ZNF846: variants seen among roughly 807,000 people sequenced by gnomAD.
ZNF846 encodes zinc finger protein 846, also known as zinc finger protein 420 pseudogene.
Under a neutral mutation model 16.0 loss-of-function variants are expected in ZNF846, and 15 were observed. The ratio of observed to expected loss-of-function variants is 0.94; its 90% CI spans 0.63 to 1.45. The LOEUF is 1.45. Among genes scored for constraint, ZNF846 ranks in the 40% most tolerant of loss-of-function variants. The probability of loss-of-function intolerance (pLI) is 0.00; values close to 1 mark genes in which losing one functional copy is unlikely to be tolerated. For missense variants in ZNF846, 714 were observed against 622.3 expected, an observed-to-expected ratio of 1.15 and a Z score of -1.57; for synonymous variants, 229 against 212.0, an observed-to-expected ratio of 1.08 and a Z score of -0.70.
chr19:9,783,540 A>T (rs1172562100), intron 1 of ZNF846, among the ~76,000 whole-genome samples: 6,513 of 118,012 alleles, frequency 0.055, 237 homozygotes, highest in Admixed American at 0.12. Context: ...AAAAAAAAAA[A>T]AAAAATATAT....
chr19:9,763,254 G>T, intron 3 of ZNF846, 28 bp downstream of exon 3: 1 of 1,532,390 alleles, frequency 6.5e-7, no homozygotes, highest in South Asian at 1.3e-5. Flanking sequence ...TCCTAAAGGG[G>T]TCAGTGAAGA....
At chr19:9,771,432 C>A (rs1376939123), upstream of ZNF846, among the ~76,000 whole-genome samples, 1 of 152,184 alleles carries the variant, frequency 6.6e-6, no homozygotes, top group African/African-American at 2.4e-5. Context: ...CCCACTTCGG[C>A]CTCCCAAAGT....
At chr19:9,757,529 A>T in exon 6 of ZNF846, 1 of 1,611,276 alleles carries the variant, frequency 6.2e-7, no homozygotes, top group Non-Finnish European at 8.5e-7. Context: ...CTGAAGATTG[A>T]GTGAAGTTTT....
In ZNF846 at chr19:9,763,274, A is replaced by T; in HGVS notation, c.142+8T>A. The T allele has an allele frequency of 1.3e-6, 2 of 1,563,438 alleles. No homozygotes were observed. Among genetic ancestry groups the T allele is most frequent in the South Asian group, 2.4e-5 (2 of 83,490 alleles). On this transcript the variant is annotated splice_region_variant and intron_variant, in intron 3 of 5. Transcript: ENST00000397902. ...AAGGGGTCAGTGAAGAAATGATGCC[A>T]GTTTTACCTAGTATAATGAGATTCT...
downstream of ZNF846, among the ~76,000 whole-genome samples, chr19:9,752,837 G>C (rs1439364633): frequency 1.3e-5 from 2 of 152,072 alleles, no homozygotes; most frequent in African/African-American, 2.4e-5. Context: ...TTTTGAATTT[G>C]AGTAGTTACT....
At chr19:9,781,510 CTT>C (rs2145320368) in intron 1 of ZNF846, among the ~76,000 whole-genome samples, 1 of 152,228 alleles carries the variant, frequency 6.6e-6, no homozygotes, top group African/African-American at 2.4e-5. Context: ...TGTCATAACG[CTT>C]TATCACTTGC....
At chr19:9,757,845 T>C in exon 6 of ZNF846, 1 of 1,613,004 alleles carries the variant, frequency 6.2e-7, no homozygotes, top group South Asian at 1.1e-5. Context: ...CCTTACATGT[T>C]GACTAAGCAT....
upstream of ZNF846, among the ~76,000 whole-genome samples, chr19:9,772,098 C>A (rs553777959): frequency 6.6e-6 from 1 of 152,064 alleles, no homozygotes; most frequent in Non-Finnish European, 1.5e-5. Flanking sequence ...ATGTCCCATT[C>A]ATTTAAAATA....
intron 1 of ZNF846, among the ~76,000 whole-genome samples, chr19:9,777,937 G>C (rs2045464023): frequency 6.6e-6 from 1 of 152,078 alleles, no homozygotes; most frequent in African/African-American, 2.4e-5. Context: ...AAACAATACA[G>C]AAAAAACCCA....
chr19:9,768,345 C>T lies in ZNF846; in HGVS notation c.-142G>A, dbSNP rs1468965092. On this transcript the variant is annotated 5_prime_UTR_variant, in exon 1 of 6. It adds an upstream start codon to the 5' untranslated region. Transcript: ENST00000397902. ...AAGAGGACGCTGGGGCCCTTTTCCA[C>T]AACAGCTGAGATGCTTTTCCTTCTG... 2.0e-5 allele frequency: 3 copies of T among 152,226 alleles called. No individual in the cohort carries two copies. Among genetic ancestry groups the T allele is most frequent in the African/African-American group, 4.8e-5 (2 of 41,458 alleles). 9.4% of individuals were successfully genotyped at this position (152,226 alleles called of 1,614,324 possible).
At chr19:9,750,915 A>G (rs752434940), downstream of ZNF846, among the ~76,000 whole-genome samples, 4 of 152,196 alleles carry the variant, frequency 2.6e-5, no homozygotes, top group Non-Finnish European at 4.4e-5. Flanking sequence ...AGGACTCTGC[A>G]TATTTCTTAA....
intron 1 of ZNF846, among the ~76,000 whole-genome samples, chr19:9,766,110 A>G (rs1191234459): frequency 6.6e-6 from 1 of 152,120 alleles, no homozygotes; most frequent in African/African-American, 2.4e-5. Context: ...GATTTGGTTC[A>G]TATCTTTGCT....
rs2045292795 is a variant in ZNF846 at position 9,765,041 on chromosome 19, GA to G, written c.-85-7del. ...AGTGTCCTGGAAAAAATGACCTTTGGAAAAGAATAATGGCATGTCAGTTGGA... is the reference window on the plus strand; with the variant it reads ...AGTGTCCTGGAAAAAATGACCTTTGGAAAGAATAATGGCATGTCAGTTGGA... On this transcript the variant is annotated splice_polypyrimidine_tract_variant and splice_region_variant and intron_variant, in intron 1 of 5. Transcript: ENST00000397902. 7.0e-7 allele frequency: 1 copy of G among 1,427,016 alleles called. No homozygotes were observed. The highest frequency in any genetic ancestry group is 1.4e-5 in the African/African-American group (1 of 71,490). The allele number at this position is 1,427,016 out of a possible 1,614,324, so 88.4% of individuals were successfully genotyped here.
At chr19:9,773,426 CTG>C (rs374188298), upstream of ZNF846, among the ~76,000 whole-genome samples, 1 of 151,420 alleles carries the variant, frequency 6.6e-6, no homozygotes, top group Non-Finnish European at 1.5e-5. Context: ...GTGTGTGTGT[CTG>C]TGTGTGTGTG....
chr19:9,763,182 C>T (rs1457085215), intron 3 of ZNF846, 100 bp downstream of exon 3: 2 of 1,133,882 alleles, frequency 1.8e-6, no homozygotes, highest in African/African-American at 1.6e-5. Context: ...GGCCAAGGTC[C>T]ATGCCTGTCT....
intron 1 of ZNF846, among the ~76,000 whole-genome samples, chr19:9,767,848 C>G (rs568628195): frequency 6.6e-6 from 1 of 152,178 alleles, no homozygotes; most frequent in Non-Finnish European, 1.5e-5. Context: ...GCAGGAGAAT[C>G]GCTTGGACCG....
exon 6 of ZNF846, chr19:9,757,872 G>C (rs748312556): frequency 1.2e-6 from 2 of 1,613,324 alleles, no homozygotes; most frequent in Non-Finnish European, 1.7e-6. Flanking sequence ...ATTATTAAAG[G>C]CTTTCCCACA....
At chr19:9,776,778 A>T (rs1039676284) in intron 1 of ZNF846, among the ~76,000 whole-genome samples, 2 of 152,138 alleles carry the variant, frequency 1.3e-5, no homozygotes, top group African/African-American at 4.8e-5. Flanking sequence ...GCAGTCCCTC[A>T]TAGCATGAGA....
downstream of ZNF846, among the ~76,000 whole-genome samples, chr19:9,753,201 C>T (rs945502695): frequency 1.3e-4 from 19 of 150,710 alleles, 2 homozygotes; most frequent in South Asian, 1.5e-3. Context: ...TGTCAACATA[C>T]GCAAGTTGAG....
Sources: gnomAD v4.1 joint callset for allele counts (sites outside exome capture counted in the v4.1 genomes callset) on GRCh38, gnomAD v4.1.1 for gene constraint, MANE v1.5 for transcripts, NCBI Gene and HGNC (gene_info 2026-07-23, HGNC 2026-07-21) for gene names.